MYLK: variants seen among roughly 807,000 people sequenced by gnomAD.
The protein encoded by MYLK is myosin light chain kinase.
A neutral mutation model predicts 203.4 loss-of-function variants in MYLK; 106 were observed. The ratio of observed to expected loss-of-function variants is 0.52; its 90% confidence interval spans 0.45 to 0.61. The LOEUF (loss-of-function observed/expected upper bound fraction) is 0.61, where lower values mean the gene tolerates loss of function less well. Among genes scored for constraint, MYLK ranks in the 20% least tolerant of loss-of-function variants. MYLK has a pLI of 0.00. For synonymous variants in MYLK, 867 were observed against 959.5 expected (o/e 0.90, Z 1.78); for missense variants, 2,072 against 2,442.3 (o/e 0.85, Z 3.20).
In MYLK at chr3:123,825,078, G is replaced by A. The variant is rs189956002; in HGVS notation, c.-4+6470C>T. Among the ~76,000 whole-genome samples the A allele has an allele frequency of 8.3e-4, 125 of 151,142 alleles. 1 individual carries two copies. The highest frequency in any genetic ancestry group is 2.7e-3 in the African/African-American group (111 of 41,160). On this transcript the variant is annotated intron_variant, in intron 3 of 33. Transcript: ENST00000360304. The stretch of plus-strand genomic sequence containing the variant: ...GAGGATTGTTTAAACCTGAGAGGTC[G>A]AGGCTGCAGTGAGCTATAATTGTGC...
chr3:123,753,654 C>T (rs2063275560), intron 4 of MYLK, among the ~76,000 whole-genome samples: 1 of 152,036 alleles, frequency 6.6e-6, no homozygotes, highest in African/African-American at 2.4e-5. Context: ...GAAAGGAAGT[C>T]CCCCAAGGGC....
intron 19 of MYLK, chr3:123,691,200 GATC>G (rs1190604090): frequency 1.3e-5 from 2 of 152,102 alleles, no homozygotes; most frequent in African/African-American, 4.8e-5. Context: ...GGGCTTCAAG[GATC>G]ATGTTTTCAG....
intron 3 of MYLK, among the ~76,000 whole-genome samples, chr3:123,794,406 A>G (rs960234743): frequency 1.1e-4 from 17 of 152,172 alleles, no homozygotes; most frequent in African/African-American, 4.1e-4. Context: ...AATGAAGGGA[A>G]GGAGGTAGGC....
chr3:123,760,018 T>C (rs1021055196), intron 4 of MYLK, among the ~76,000 whole-genome samples: 1 of 152,238 alleles, frequency 6.6e-6, no homozygotes, highest in Non-Finnish European at 1.5e-5. Flanking sequence ...CAGGAAGGTA[T>C]ATGGCCTTTG....
At chr3:123,840,404 A>T (rs1185756987) in intron 2 of MYLK, among the ~76,000 whole-genome samples, 1 of 150,680 alleles carries the variant, frequency 6.6e-6, no homozygotes, top group Non-Finnish European at 1.5e-5. Flanking sequence ...GAATCCATAT[A>T]TATAGAACAA....
chr3:123,732,819 C>T (rs983014468), intron 11 of MYLK, 77 bp downstream of exon 11: 12 of 1,415,310 alleles, frequency 8.5e-6, no homozygotes, highest in African/African-American at 4.2e-5. Flanking sequence ...AGGAGATGAA[C>T]CATCTGCAGA....
chr3:123,737,354 C>T (rs1175222679), intron 8 of MYLK, 24 bp downstream of exon 8: 1 of 1,614,042 alleles, frequency 6.2e-7, no homozygotes, highest in African/African-American at 1.3e-5. Context: ...GATCGTTCTG[C>T]ACTAGCCGTC....
At chr3:123,676,639 AAGGCC>A (rs1166694306) in intron 20 of MYLK, among the ~76,000 whole-genome samples, 1 of 152,226 alleles carries the variant, frequency 6.6e-6, no homozygotes, top group Non-Finnish European at 1.5e-5. Context: ...AGCTCAGGCC[AAGGCC>A]AGGCATGGAC....
chr3:123,711,212 CG>C lies in MYLK; in HGVS notation c.1805-1320del, dbSNP rs577070234. Among the ~76,000 whole-genome samples, 93 of 151,402 alleles carry C rather than the reference CG, an allele frequency of 6.1e-4. No individual in the cohort carries two copies. In the South Asian group the frequency reaches 7.3e-3, roughly 12 times the overall value. On this transcript the variant is annotated intron_variant, in intron 13 of 33. Coordinates refer to ENST00000360304, the MANE Select transcript of MYLK (RefSeq NM_053025.4). The stretch of plus-strand genomic sequence containing the variant: ...GTCAGTAGTGGTGTGGGGCAGGGGA[CG>C]GGGGGTTGGATTATAAAGGGGCATG...
At position 123,638,174 on chromosome 3, in the gene MYLK, C is replaced by T. The variant is rs1474032380; in HGVS notation, c.4858G>A (p.Val1620Ile). Residue 1620 changes from valine (V) to isoleucine (I), a missense_variant, in exon 29 of 34, where the codon GTC becomes ATC. Physicochemically the swap from Val to Ile is conservative, Grantham distance 29. Around this residue, in one of 3 missense-constraint regions of MYLK, gnomAD observed 524 missense variants for 782.4 expected, o/e 0.67. Transcript: ENST00000360304. ...RRLENAGSLKVLFGTPEFVAP... is the reference protein window; with the variant it reads ...RRLENAGSLKILFGTPEFVAP... Reference sequence around the variant, plus strand: ...ACAAATTCTGGGGTGCCAAAGAGGACCTTCAGAGACCCCGCATTCTCTGAA... The same window carrying T: ...ACAAATTCTGGGGTGCCAAAGAGGATCTTCAGAGACCCCGCATTCTCTGAA... 1 of 1,613,828 alleles carries T rather than the reference C, an allele frequency of 6.2e-7. No individual in the cohort carries two copies. Among genetic ancestry groups the T allele is most frequent in the South Asian group, 1.1e-5 (1 of 91,076 alleles).
At position 123,640,319 on chromosome 3, in the gene MYLK, T is replaced by C. The variant is rs730880165; in HGVS notation, c.4805A>G (p.Lys1602Arg). The C allele has an allele frequency of 5.0e-6, 8 of 1,613,942 alleles. No homozygotes were observed. The highest frequency in any genetic ancestry group is 5.1e-6 in the Non-Finnish European group (6 of 1,179,986). ...MCVNKTGTRI[K>R]LIDFGLARRL... ...CCTGGCCAGACCAAAGTCGATGAGC[T>C]TGATCCTGGTGCCCGTCTTGTTGAC... is the stretch of plus-strand genomic sequence containing the variant. Residue 1602 changes from lysine to arginine, a missense_variant, in exon 28 of 34, where the codon AAG (lysine) becomes AGG (arginine). Around this residue, in one of 3 missense-constraint regions of MYLK, gnomAD observed 524 missense variants for 782.4 expected, o/e 0.67. Coordinates refer to ENST00000360304, the MANE Select transcript of MYLK (RefSeq NM_053025.4). This position sits in a 1 kb window ranked among gnomAD's most constrained non-coding sequence, Gnocchi z 4.3.
At chr3:123,848,863 T>C (rs112156673) in intron 2 of MYLK, among the ~76,000 whole-genome samples, 2 of 152,274 alleles carry the variant, frequency 1.3e-5, no homozygotes, top group Non-Finnish European at 2.9e-5. Context: ...CTTCTTGTTA[T>C]ATGGCAAATG....
chr3:123,735,420 G>A lies in MYLK; in HGVS notation c.755-4C>T, dbSNP rs1249330032. 2.5e-6 allele frequency: 4 copies of A among 1,613,884 alleles called. No individual in the cohort carries two copies. The African/African-American group carries it at 4.0e-5, about 16-fold the overall frequency. ...TACCTATTGGCACTGTCCAAACCTG[G>A]AAAAAGGGGGAAGGGTGGAAAGACT... On this transcript the variant is annotated splice_polypyrimidine_tract_variant and splice_region_variant and intron_variant, in intron 8 of 33. Transcript: ENST00000360304.
At chr3:123,635,954 C>T (rs1340059018) in intron 29 of MYLK, among the ~76,000 whole-genome samples, 1 of 152,184 alleles carries the variant, frequency 6.6e-6, no homozygotes, top group Non-Finnish European at 1.5e-5. Flanking sequence ...ATGAGTCTCA[C>T]AAACGATGTC....
At chr3:123,689,670 G>A (rs2060587938) in intron 19 of MYLK, 1 of 152,236 alleles carries the variant, frequency 6.6e-6, no homozygotes, top group East Asian at 1.9e-4. Flanking sequence ...GTGCACAAGA[G>A]TCTCTGGCCA....
Position 123,629,365 on chromosome 3 carries a change from C to A in MYLK, c.5114+109G>T. On this transcript the variant is annotated intron_variant, in intron 30 of 33. Coordinates refer to ENST00000360304, the MANE Select transcript of MYLK (RefSeq NM_053025.4). This position sits in a 1 kb window ranked among gnomAD's most constrained non-coding sequence, Gnocchi z 4.4. Reference sequence around the variant, plus strand: ...TTCCTCAGGGAATGCTAGGAACGACCCAAGGCGGGGTGGCAAGGAGGGCAC... The same window carrying A: ...TTCCTCAGGGAATGCTAGGAACGACACAAGGCGGGGTGGCAAGGAGGGCAC... 7.2e-7 allele frequency: 1 copy of A among 1,387,706 alleles called. No homozygotes were observed. Among genetic ancestry groups the A allele is most frequent in the South Asian group, 1.2e-5 (1 of 83,184 alleles). The allele number at this position is 1,387,706 out of a possible 1,614,324, so 86.0% of individuals were successfully genotyped here.
In MYLK at chr3:123,733,909, C is replaced by A; in HGVS notation, c.1087G>T (p.Val363Phe). ...QPEPRAPGLG[V>F]LSPSGEERKR... ...CTCTCTTCTCCAGAAGGTGATAGGA[C>A]CCCCAGGCCTGGTGCTCTTGGTTCC... is the stretch of plus-strand genomic sequence containing the variant. Residue 363 changes from valine to phenylalanine, a missense_variant, in exon 10 of 34, where the codon GTC becomes TTC. Physicochemically the swap from Val to Phe is conservative, Grantham distance 50 (BLOSUM62 -1). Transcript: ENST00000360304. 1 of 1,614,148 alleles carries A rather than the reference C, an allele frequency of 6.2e-7. No homozygotes were observed. The highest frequency in any genetic ancestry group is 8.5e-7 in the Non-Finnish European group (1 of 1,180,032).
chr3:123,626,261 T>C (rs1017950942), intron 31 of MYLK, among the ~76,000 whole-genome samples: 1 of 152,194 alleles, frequency 6.6e-6, no homozygotes, highest in Non-Finnish European at 1.5e-5. Flanking sequence ...TTCTCATAAT[T>C]ATCACAACAA....
intron 16 of MYLK, among the ~76,000 whole-genome samples, chr3:123,701,999 A>G (rs2061252467): frequency 1.3e-5 from 2 of 152,062 alleles, no homozygotes; most frequent in Non-Finnish European, 2.9e-5. Context: ...AGCACCCTTA[A>G]CCCCCACTCA....
Sources: gnomAD v4.1 joint callset for allele counts (sites outside exome capture counted in the v4.1 genomes callset) on GRCh38, gnomAD v4.1.1 for gene constraint, gnomAD v4.1.1 regional missense constraint, Gnocchi (gnomAD v3.1) non-coding constraint, MANE v1.5 for transcripts, NCBI Gene and HGNC (gene_info 2026-07-23, HGNC 2026-07-21) for gene names.